Variants in DYNC1I1 observed in about 807,000 individuals in gnomAD.
DYNC1I1 encodes the protein cytoplasmic dynein 1 intermediate chain 1.
DYNC1I1 carries 43 observed loss-of-function variants against 86.6 expected under a neutral mutation model. The ratio of observed to expected loss-of-function variants is 0.50; its 90% CI spans 0.39 to 0.64. The LOEUF (loss-of-function observed/expected upper bound fraction) is 0.64, where lower values mean the gene tolerates loss of function less well. DYNC1I1 is among the 30% of genes least tolerant of loss of function. DYNC1I1 has a pLI of 0.00. For synonymous variants in DYNC1I1, 262 were observed against 283.7 expected (o/e 0.92, Z 0.77); for missense variants, 604 against 788.8 (o/e 0.77, Z 2.81).
At chr7:95,906,350 C>T (rs943529519) in intron 6 of DYNC1I1, among the ~76,000 whole-genome samples, 6 of 152,230 alleles carry the variant, frequency 3.9e-5, no homozygotes, top group South Asian at 2.1e-4. Flanking sequence ...ATATGATATT[C>T]GTAAAAAGTA....
chr7:96,001,854 G>A (rs771408078), intron 10 of DYNC1I1, among the ~76,000 whole-genome samples: 8 of 152,054 alleles, frequency 5.3e-5, no homozygotes, highest in African/African-American at 4.8e-5. Context: ...GAATTTGGTC[G>A]TGGTGGGGGA....
chr7:96,012,066 G>A (rs981094354), intron 10 of DYNC1I1, among the ~76,000 whole-genome samples: 3 of 152,156 alleles, frequency 2.0e-5, no homozygotes, highest in Admixed American at 2.0e-4. Context: ...GTGGGAGGAG[G>A]GTTGGGGACA....
chr7:96,073,607 A>C (rs1584299281), intron 14 of DYNC1I1, among the ~76,000 whole-genome samples: 1 of 152,318 alleles, frequency 6.6e-6, no homozygotes, highest in East Asian at 1.9e-4. Flanking sequence ...GTCTATCTGT[A>C]TGAAGACCTC....
At chr7:96,012,223 G>C (rs908030564) in intron 10 of DYNC1I1, among the ~76,000 whole-genome samples, 1 of 152,132 alleles carries the variant, frequency 6.6e-6, no homozygotes, top group African/African-American at 2.4e-5. Flanking sequence ...ACTTAGGCTT[G>C]AAAGATTTAT....
intron 14 of DYNC1I1, among the ~76,000 whole-genome samples, chr7:96,048,357 G>A (rs1789283832): frequency 6.6e-6 from 1 of 152,116 alleles, no homozygotes. Context: ...ACTAGAGCAG[G>A]TGAACAGATC....
At chr7:95,900,687 G>T (rs1054826843) in intron 6 of DYNC1I1, among the ~76,000 whole-genome samples, 4 of 152,106 alleles carry the variant, frequency 2.6e-5, no homozygotes, top group African/African-American at 9.7e-5. Context: ...TTTTCTTGAT[G>T]CCCTGGTTTA....
intron 5 of DYNC1I1, among the ~76,000 whole-genome samples, chr7:95,849,731 A>G (rs1048571035): frequency 9.9e-5 from 15 of 152,154 alleles, no homozygotes; most frequent in Non-Finnish European, 1.8e-4. Context: ...GAATTTTAGG[A>G]TCGTTTTTCC....
At chr7:95,987,275 C>A (rs1248861365) in intron 9 of DYNC1I1, 120 bp downstream of exon 9, 3 of 848,118 alleles carry the variant, frequency 3.5e-6, no homozygotes, top group Non-Finnish European at 5.6e-6. Context: ...GGTTTTTTTC[C>A]CCTCATTTTA....
chr7:95,931,248 C>G (rs1791887548), intron 6 of DYNC1I1, among the ~76,000 whole-genome samples: 1 of 151,756 alleles, frequency 6.6e-6, no homozygotes, highest in African/African-American at 2.4e-5. Context: ...CCTCCCAGTT[C>G]AAGCAATTCT....
At chr7:96,106,653 GT>G (rs1791219946) in intron 16 of DYNC1I1, among the ~76,000 whole-genome samples, 1 of 152,136 alleles carries the variant, frequency 6.6e-6, no homozygotes, top group African/African-American at 2.4e-5. Flanking sequence ...AATTTCCATT[GT>G]GGTATATTAT....
At chr7:95,910,511 T>A (rs1791304723) in intron 6 of DYNC1I1, among the ~76,000 whole-genome samples, 1 of 152,080 alleles carries the variant, frequency 6.6e-6, no homozygotes, top group African/African-American at 2.4e-5. Context: ...GAGGCATGGA[T>A]TAAGGTTTAG....
chr7:96,022,557 G>A (rs894367143), intron 10 of DYNC1I1, among the ~76,000 whole-genome samples: 2 of 152,026 alleles, frequency 1.3e-5, no homozygotes, highest in African/African-American at 4.8e-5. Context: ...GAGAGAGGAA[G>A]GGAGAGTTTT....
At chr7:95,921,765 G>T (rs1374314151) in intron 6 of DYNC1I1, among the ~76,000 whole-genome samples, 1 of 152,164 alleles carries the variant, frequency 6.6e-6, no homozygotes, top group East Asian at 1.9e-4. Flanking sequence ...TAAAATGACT[G>T]CTGTGCAATA....
At chr7:96,008,619 G>A (rs1794199029) in intron 10 of DYNC1I1, among the ~76,000 whole-genome samples, 1 of 152,158 alleles carries the variant, frequency 6.6e-6, no homozygotes, top group South Asian at 2.1e-4. Context: ...GTCAAAGTCA[G>A]TGTTTAAACT....
chr7:95,950,155 G>T (rs1792514360), intron 6 of DYNC1I1, among the ~76,000 whole-genome samples: 1 of 152,146 alleles, frequency 6.6e-6, no homozygotes, highest in African/African-American at 2.4e-5. Flanking sequence ...TAAAAGAAAT[G>T]TGAAAAACGA....
Position 95,844,400 on chromosome 7 carries a change from G to A in DYNC1I1, c.374+16284G>A, listed in dbSNP as rs747836893. Among the ~76,000 whole-genome samples, 4 of 152,206 alleles carry A rather than the reference G, an allele frequency of 2.6e-5. No individual in the cohort carries two copies. In the South Asian group the frequency reaches 6.2e-4, roughly 24 times the overall value. On this transcript the variant is annotated intron_variant, in intron 5 of 16. Coordinates refer to ENST00000447467, the MANE Select transcript of DYNC1I1 (RefSeq NM_001135556.2). ...TTATTTTCAATGTTTGAGAGACACT[G>A]TTAATGTACTTGCCTAGTGGATTCT...
At chr7:95,777,740 T>G (rs112228777) in intron 1 of DYNC1I1, among the ~76,000 whole-genome samples, 3 of 152,146 alleles carry the variant, frequency 2.0e-5, no homozygotes, top group Admixed American at 2.0e-4. Flanking sequence ...ATAAAAATAA[T>G]GAATCTCAAG....
At chr7:95,936,956 T>TCTCA (rs750834189) in intron 6 of DYNC1I1, among the ~76,000 whole-genome samples, 89 of 134,284 alleles carry the variant, frequency 6.6e-4, no homozygotes, top group Admixed American at 2.4e-3. Flanking sequence ...AGAATATGTC[T>TCTCA]CACACACACA....
Position 95,772,768 on chromosome 7 carries a change from G to C in DYNC1I1, c.-15G>C, listed in dbSNP as rs1161841523. 3 of 152,486 alleles carry C rather than the reference G, an allele frequency of 2.0e-5. No individual in the cohort carries two copies. Among genetic ancestry groups the C allele is most frequent in the Non-Finnish European group, 2.9e-5 (2 of 68,108 alleles). The allele number at this position is 152,486 out of a possible 1,614,324, so 9.4% of individuals were successfully genotyped here. A position where few individuals can be genotyped will look rare whatever the true frequency, so the allele number is the denominator to read the frequency against. On this transcript the variant is annotated 5_prime_UTR_variant, in exon 1 of 17. Coordinates refer to ENST00000447467, the MANE Select transcript of DYNC1I1 (RefSeq NM_001135556.2). The stretch of plus-strand genomic sequence containing the variant: ...GCCCAGTTCCGCCGCTGCCGAGCGC[G>C]TCCAGGTAAACTGGAGCGGGATGTC...
Sources: allele counts gnomAD v4.1 joint callset (sites outside exome capture counted in the v4.1 genomes callset), GRCh38; gene constraint gnomAD v4.1.1; transcripts MANE v1.5; gene names NCBI Gene and HGNC (gene_info 2026-07-23, HGNC 2026-07-21).